GRM7: variants seen among roughly 807,000 people sequenced by gnomAD.
GRM7 encodes metabotropic glutamate receptor 7.
A neutral mutation model predicts 84.5 loss-of-function variants in GRM7; 35 were observed. The observed-to-expected ratio is 0.41, with a 90% confidence interval of 0.32 to 0.55. The LOEUF is 0.55. GRM7 is among the 20% of genes least tolerant of loss of function. The pLI is 0.19. For synonymous variants in GRM7, 487 were observed against 455.1 expected (o/e 1.07, Z -0.89); for missense variants, 1,003 against 1,194.6 (o/e 0.84, Z 2.36).
intron 7 of GRM7, among the ~76,000 whole-genome samples, chr3:7,526,038 A>G (rs1298973116): frequency 6.6e-6 from 1 of 152,108 alleles, no homozygotes. Context: ...TGATAGCATG[A>G]TTTATTTTTC....
At chr3:7,676,829 A>G (rs1700140838) in intron 8 of GRM7, among the ~76,000 whole-genome samples, 1 of 152,198 alleles carries the variant, frequency 6.6e-6, no homozygotes, top group Non-Finnish European at 1.5e-5. Context: ...AATAGGTTAA[A>G]CCGTTTAGCC....
At chr3:6,889,813 G>T (rs1695859995) in intron 1 of GRM7, among the ~76,000 whole-genome samples, 1 of 152,142 alleles carries the variant, frequency 6.6e-6, no homozygotes, top group East Asian at 1.9e-4. Flanking sequence ...AATGGTACCA[G>T]TTCCTCCTTG....
chr3:7,404,589 A>G (rs879940353), intron 4 of GRM7, among the ~76,000 whole-genome samples: 1 of 152,170 alleles, frequency 6.6e-6, no homozygotes, highest in Non-Finnish European at 1.5e-5. Context: ...GGAATCTACC[A>G]ATCCTACGGT....
chr3:7,612,223 T>C (rs1696879949), intron 8 of GRM7, among the ~76,000 whole-genome samples: 1 of 152,226 alleles, frequency 6.6e-6, no homozygotes. Context: ...ACTTTTGGGT[T>C]ACGTGCCCTT....
chr3:7,611,610 C>T (rs555368859), intron 8 of GRM7, among the ~76,000 whole-genome samples: 1 of 152,244 alleles, frequency 6.6e-6, no homozygotes, highest in East Asian at 1.9e-4. Context: ...TTCCCAAGAA[C>T]TGGATAAGGA....
chr3:7,545,247 T>G (rs2125019304), intron 7 of GRM7, among the ~76,000 whole-genome samples: 1 of 152,378 alleles, frequency 6.6e-6, no homozygotes, highest in Non-Finnish European at 1.5e-5. Flanking sequence ...TTTTTATCTC[T>G]AACCTAACTG....
intron 1 of GRM7, chr3:6,956,586 G>A: frequency 2.2e-6 from 1 of 456,620 alleles, no homozygotes. Context: ...CTTCTATCCT[G>A]TCTCAGTTTC....
intron 7 of GRM7, among the ~76,000 whole-genome samples, chr3:7,533,835 C>G (rs1215016279): frequency 6.6e-6 from 1 of 152,106 alleles, no homozygotes; most frequent in Non-Finnish European, 1.5e-5. Flanking sequence ...GTAATAGGAG[C>G]TGTGCCATCT....
intron 1 of GRM7, among the ~76,000 whole-genome samples, chr3:6,952,108 G>C (rs1692802511): frequency 1.3e-5 from 2 of 151,928 alleles, no homozygotes; most frequent in Non-Finnish European, 2.9e-5. Context: ...ATATTCTTGA[G>C]CTTTATTTGA....
In GRM7 at chr3:7,615,490, A is replaced by T. The variant is rs117427210; in HGVS notation, c.2451+36133A>T. On this transcript the variant is annotated intron_variant, in intron 8 of 9. Coordinates refer to ENST00000357716, the MANE Select transcript of GRM7 (RefSeq NM_000844.4). ...GTTGCCGTTTCTTTTTAATCACATC[A>T]CCTTGAATACCTTATAAAATAGGTT... Among the ~76,000 whole-genome samples the T allele has an allele frequency of 5.6e-3, 846 of 152,140 alleles. 20 individuals carry two copies. The East Asian group carries it at 0.078, about 14-fold the overall frequency.
chr3:7,253,012 TAA>T (rs539835390), intron 2 of GRM7, among the ~76,000 whole-genome samples: 147 of 70,802 alleles, frequency 2.1e-3, no homozygotes, highest in African/African-American at 7.4e-3. Context: ...TGGCTTTTCT[TAA>T]AAAAAAAAAA....
At chr3:7,694,398 T>C (rs1184097579) in intron 9 of GRM7, 2 of 954,944 alleles carry the variant, frequency 2.1e-6, no homozygotes, top group East Asian at 1.2e-4. Flanking sequence ...GATATTCTTC[T>C]ATTTGGTCTC....
chr3:7,265,489 T>C (rs1248051088), intron 2 of GRM7, among the ~76,000 whole-genome samples: 2 of 152,202 alleles, frequency 1.3e-5, no homozygotes, highest in African/African-American at 4.8e-5. Flanking sequence ...TTCTGTCTCA[T>C]GACCTTGAGA....
chr3:7,505,229 T>C (rs1232501889), intron 7 of GRM7, among the ~76,000 whole-genome samples: 1 of 152,190 alleles, frequency 6.6e-6, no homozygotes, highest in Non-Finnish European at 1.5e-5. Flanking sequence ...TCCACAAAAT[T>C]TCTGGCAGCC....
intron 7 of GRM7, among the ~76,000 whole-genome samples, chr3:7,538,408 G>A (rs997994824): frequency 1.3e-5 from 2 of 152,102 alleles, no homozygotes; most frequent in Non-Finnish European, 2.9e-5. Context: ...CACAATGTTC[G>A]GCCCGTTACT....
At chr3:7,355,575 G>C (rs891922320) in intron 4 of GRM7, among the ~76,000 whole-genome samples, 1 of 152,096 alleles carries the variant, frequency 6.6e-6, no homozygotes, top group African/African-American at 2.4e-5. Flanking sequence ...TAGAGAGACA[G>C]CTTTTGGCAC....
chr3:7,235,591 C>A (rs558170350), intron 2 of GRM7, among the ~76,000 whole-genome samples: 1 of 152,168 alleles, frequency 6.6e-6, no homozygotes, highest in African/African-American at 2.4e-5. Context: ...AAATTCTTTA[C>A]GGAGAGTGGC....
intron 8 of GRM7, among the ~76,000 whole-genome samples, chr3:7,675,270 AT>A (rs1396826499): frequency 6.6e-6 from 1 of 152,190 alleles, no homozygotes; most frequent in African/African-American, 2.4e-5. Flanking sequence ...TACTGAGAAT[AT>A]TCTGGTTTTC....
chr3:6,976,142 T>C (rs1693984887), intron 1 of GRM7, among the ~76,000 whole-genome samples: 1 of 152,132 alleles, frequency 6.6e-6, no homozygotes, highest in Non-Finnish European at 1.5e-5. Flanking sequence ...GGTCACCAGC[T>C]CTGCCCCTAT....
Sources: allele counts gnomAD v4.1 joint callset (sites outside exome capture counted in the v4.1 genomes callset), GRCh38; gene constraint gnomAD v4.1.1; transcripts MANE v1.5; gene names NCBI Gene and HGNC (gene_info 2026-07-23, HGNC 2026-07-21).